EPHA6: variants seen among roughly 807,000 people sequenced by gnomAD.
EPHA6 encodes ephrin type-A receptor 6.
In EPHA6, 50 loss-of-function variants were observed where a neutral mutation model predicts 112.0. The ratio of observed to expected loss-of-function variants is 0.45; its 90% CI spans 0.36 to 0.56. EPHA6 has a LOEUF of 0.56. Ranked by LOEUF, EPHA6 falls within the 20% of genes least tolerant of loss-of-function variation. The pLI, the probability that EPHA6 is intolerant of heterozygous loss-of-function variation, is 0.00. For missense variants in EPHA6, 1,280 were observed against 1,417.4 expected (o/e 0.90, Z 1.56); for synonymous variants, 529 against 490.7 (o/e 1.08, Z -1.03).
At chr3:97,092,610 A>G (rs1230127690) in intron 3 of EPHA6, among the ~76,000 whole-genome samples, 1 of 152,088 alleles carries the variant, frequency 6.6e-6, no homozygotes, top group Non-Finnish European at 1.5e-5. Flanking sequence ...ATGAGTTACT[A>G]GCATTCTTTT....
intron 2 of EPHA6, among the ~76,000 whole-genome samples, chr3:96,975,313 G>A (rs1406297677): frequency 2.0e-5 from 3 of 152,044 alleles, no homozygotes; most frequent in South Asian, 4.1e-4. Context: ...CTAATAATTG[G>A]CTAGCAATGA....
chr3:97,175,989 G>A (rs1303843757), intron 3 of EPHA6, among the ~76,000 whole-genome samples: 1 of 151,774 alleles, frequency 6.6e-6, no homozygotes, highest in Non-Finnish European at 1.5e-5. Context: ...CAAGATCTTA[G>A]AGGAGAGGAT....
At chr3:97,518,460 T>G (rs1560092880) in intron 10 of EPHA6, among the ~76,000 whole-genome samples, 1 of 152,082 alleles carries the variant, frequency 6.6e-6, no homozygotes, top group South Asian at 2.1e-4. Flanking sequence ...CTGATTTTTT[T>G]TTTTCCTTTG....
At chr3:96,880,279 A>G (rs772176586) in intron 2 of EPHA6, among the ~76,000 whole-genome samples, 9 of 152,016 alleles carry the variant, frequency 5.9e-5, no homozygotes, top group Non-Finnish European at 1.3e-4. Flanking sequence ...TTATGTGTCA[A>G]TTTAAAACAA....
chr3:97,067,844 A>G (rs1291404075), intron 3 of EPHA6, among the ~76,000 whole-genome samples: 2 of 151,974 alleles, frequency 1.3e-5, no homozygotes, highest in Non-Finnish European at 2.9e-5. Flanking sequence ...CACTAGTTCA[A>G]TAAAGACTCA....
chr3:97,642,671 A>G (rs1234061107), intron 14 of EPHA6, among the ~76,000 whole-genome samples: 1 of 152,208 alleles, frequency 6.6e-6, no homozygotes, highest in Non-Finnish European at 1.5e-5. Context: ...GATGCGATCA[A>G]CTGGAAGAAA....
intron 5 of EPHA6, among the ~76,000 whole-genome samples, chr3:97,306,515 G>A (rs2081327177): frequency 6.6e-6 from 1 of 151,582 alleles, no homozygotes; most frequent in African/African-American, 2.4e-5. Flanking sequence ...ACCCTGTTCT[G>A]ATTTCCTTCC....
At chr3:97,512,905 G>A (rs888072225) in intron 10 of EPHA6, among the ~76,000 whole-genome samples, 47 of 152,186 alleles carry the variant, frequency 3.1e-4, no homozygotes, top group African/African-American at 1.1e-3. Flanking sequence ...ATTCCAAAAT[G>A]TCTTTTTTTT....
At chr3:97,416,048 A>G (rs548446346) in intron 6 of EPHA6, among the ~76,000 whole-genome samples, 1 of 152,198 alleles carries the variant, frequency 6.6e-6, no homozygotes, top group African/African-American at 2.4e-5. Context: ...CAAGTATTAT[A>G]ATCTGTGGCA....
intron 3 of EPHA6, among the ~76,000 whole-genome samples, chr3:97,151,510 A>T (rs1480356129): frequency 6.6e-6 from 1 of 152,138 alleles, no homozygotes; most frequent in East Asian, 1.9e-4. Context: ...TTCAATTGAT[A>T]GAGTTTCTTT....
intron 6 of EPHA6, among the ~76,000 whole-genome samples, chr3:97,415,011 C>T (rs1378985737): frequency 6.6e-6 from 1 of 151,944 alleles, no homozygotes; most frequent in East Asian, 1.9e-4. Context: ...ACAGAAGGGT[C>T]ACTCTGGGGA....
At position 97,747,552 on chromosome 3, in the gene EPHA6, G is replaced by C; in HGVS notation, c.3258G>C (p.Leu1086=). The part of the protein sequence containing the change: ...FVAAGFTTFD[L]ISRMSIDDIR... ...CAGCAGGGTTTACAACATTTGACCT[G>C]ATTTCAAGAATGAGCATTGAGTAAG... is the stretch of plus-strand genomic sequence containing the variant. The change falls in exon 17 of 18, where the codon CTG becomes CTC. Residue 1086 remains leucine, a synonymous_variant. Transcript: ENST00000389672. 1 of 1,606,664 alleles carries C rather than the reference G, an allele frequency of 6.2e-7. No homozygotes were observed. Among genetic ancestry groups the C allele is most frequent in the Non-Finnish European group, 8.5e-7 (1 of 1,176,416 alleles).
At chr3:97,616,375 C>T (rs1193427896) in intron 13 of EPHA6, among the ~76,000 whole-genome samples, 2 of 152,158 alleles carry the variant, frequency 1.3e-5, no homozygotes, top group East Asian at 3.9e-4. Flanking sequence ...GTCCTCTTTC[C>T]TCCAAATGAC....
intron 1 of EPHA6, among the ~76,000 whole-genome samples, chr3:96,841,377 T>TG (rs1431836958): frequency 2.0e-5 from 3 of 152,122 alleles, no homozygotes; most frequent in Non-Finnish European, 4.4e-5. Context: ...TTAGTGGTAT[T>TG]GGGGCCCCAT....
chr3:97,558,386 A>G (rs1289065393), intron 11 of EPHA6, among the ~76,000 whole-genome samples: 2 of 152,016 alleles, frequency 1.3e-5, no homozygotes, highest in Non-Finnish European at 1.5e-5. Context: ...GTTTCTACCT[A>G]AAGAGTCAAC....
At chr3:97,497,604 T>C (rs769720217) in intron 10 of EPHA6, among the ~76,000 whole-genome samples, 6 of 152,194 alleles carry the variant, frequency 3.9e-5, no homozygotes, top group Admixed American at 2.6e-4. Context: ...CTCAGCCCTT[T>C]AAACACTACT....
chr3:97,662,495 A>C (rs1259106548), intron 14 of EPHA6, among the ~76,000 whole-genome samples: 2 of 152,110 alleles, frequency 1.3e-5, no homozygotes, highest in Non-Finnish European at 2.9e-5. Flanking sequence ...AAGGCGACAA[A>C]ACAAGCCACC....
At chr3:96,866,428 G>A (rs973230312) in intron 1 of EPHA6, among the ~76,000 whole-genome samples, 12 of 152,006 alleles carry the variant, frequency 7.9e-5, no homozygotes, top group African/African-American at 2.9e-4. Context: ...CACAAAAAGA[G>A]AATCAAGAAA....
At chr3:97,644,276 C>T (rs1210081957) in intron 14 of EPHA6, among the ~76,000 whole-genome samples, 13 of 149,396 alleles carry the variant, frequency 8.7e-5, no homozygotes, top group African/African-American at 2.7e-4. Flanking sequence ...ATCTCTGGGA[C>T]GCATTCAAAG....
Sources: allele counts gnomAD v4.1 joint callset (sites outside exome capture counted in the v4.1 genomes callset), GRCh38; gene constraint gnomAD v4.1.1; transcripts MANE v1.5; gene names NCBI Gene and HGNC (gene_info 2026-07-23, HGNC 2026-07-21).